NTRK3: variants seen among roughly 807,000 people sequenced by gnomAD.
The protein encoded by NTRK3 is NT-3 growth factor receptor.
A neutral mutation model predicts 91.7 loss-of-function variants in NTRK3; 24 were observed. The ratio of observed to expected loss-of-function variants is 0.26; its 90% CI spans 0.19 to 0.37. The LOEUF (loss-of-function observed/expected upper bound fraction) is 0.37, where lower values mean the gene tolerates loss of function less well. Among genes scored for constraint, NTRK3 ranks in the 10% least tolerant of loss-of-function variants. The probability of loss-of-function intolerance (pLI) is 1.00; values close to 1 mark genes in which losing one functional copy is unlikely to be tolerated. For missense variants in NTRK3, 880 were observed against 1,068.9 expected, an observed-to-expected ratio of 0.82 and a Z score of 2.46; for synonymous variants, 483 against 404.0, an observed-to-expected ratio of 1.20 and a Z score of -2.34.
chr15:87,870,484 C>T (rs930153308), exon 19 of NTRK3: 1 of 209,890 alleles, frequency 4.8e-6, no homozygotes, highest in African/African-American at 2.3e-5. Context: ...ATGGTGCATA[C>T]TGCCTGGGTG....
chr15:87,864,997 G>T (rs2064625189), exon 19 of NTRK3: 1 of 215,034 alleles, frequency 4.7e-6, no homozygotes, highest in Non-Finnish European at 9.4e-6. Flanking sequence ...CAGAGGTGTT[G>T]CTTTTCTACA....
intron 3 of NTRK3, among the ~76,000 whole-genome samples, chr15:88,247,863 G>C (rs1002452013): frequency 6.6e-6 from 1 of 152,060 alleles, no homozygotes; most frequent in Non-Finnish European, 1.5e-5. Flanking sequence ...GTAAGGTCGC[G>C]GGGGGATAAA....
intron 13 of NTRK3, among the ~76,000 whole-genome samples, chr15:88,120,579 A>G (rs1357273430): frequency 2.6e-5 from 4 of 152,184 alleles, no homozygotes; most frequent in Non-Finnish European, 4.4e-5. Context: ...AGTCTCTAGC[A>G]TGTCTGAAAA....
At chr15:88,036,681 T>C (rs1304688038) in intron 13 of NTRK3, among the ~76,000 whole-genome samples, 3 of 152,210 alleles carry the variant, frequency 2.0e-5, no homozygotes, top group African/African-American at 7.2e-5. Flanking sequence ...ATGCCCAGGC[T>C]GTCTTGTTTA....
rs113792231 is a variant in NTRK3 at position 88,141,691 on chromosome 15, T to C, written c.465-4130A>G. ...ACACAGCACTTGATGCTGTGCTGCCTCCTGTCTGGTCCCTGCACTGCTGCA... is the reference window on the plus strand; with the variant it reads ...ACACAGCACTTGATGCTGTGCTGCCCCCTGTCTGGTCCCTGCACTGCTGCA... On this transcript the variant is annotated intron_variant, in intron 6 of 18. Transcript: ENST00000394480. Among the ~76,000 whole-genome samples, 956 of 152,320 alleles carry C rather than the reference T, an allele frequency of 6.3e-3. 13 individuals carry two copies. The highest frequency in any genetic ancestry group is 0.034 in the Middle Eastern group (10 of 294).
intron 10 of NTRK3, among the ~76,000 whole-genome samples, chr15:88,130,180 C>T (rs111680606): frequency 8.5e-5 from 13 of 152,166 alleles, no homozygotes; most frequent in Admixed American, 2.0e-4. Context: ...TCCTAGCAAA[C>T]GAATACATGA....
chr15:88,101,063 A>G (rs2050123766), intron 13 of NTRK3, among the ~76,000 whole-genome samples: 1 of 152,218 alleles, frequency 6.6e-6, no homozygotes, highest in African/African-American at 2.4e-5. Context: ...AGAAACTACC[A>G]TCAGAGTGAA....
At chr15:88,027,768 G>A (rs1293011700) in intron 14 of NTRK3, among the ~76,000 whole-genome samples, 3 of 152,164 alleles carry the variant, frequency 2.0e-5, no homozygotes, top group Non-Finnish European at 4.4e-5. Flanking sequence ...CCATGCTGTG[G>A]TTTCTGTTGA....
intron 3 of NTRK3, among the ~76,000 whole-genome samples, chr15:88,201,361 C>T (rs554635398): frequency 6.6e-5 from 10 of 152,316 alleles, no homozygotes; most frequent in Admixed American, 3.9e-4. Flanking sequence ...CTACCACCCA[C>T]GGGTCTCATG....
intron 13 of NTRK3, among the ~76,000 whole-genome samples, chr15:88,083,894 T>TTC (rs2150680591): frequency 6.6e-6 from 1 of 152,190 alleles, no homozygotes; most frequent in South Asian, 2.1e-4. Context: ...GGTGTAAGGC[T>TTC]TCTCCAGCAA....
chr15:88,114,166 G>A (rs1203704130), intron 13 of NTRK3, among the ~76,000 whole-genome samples: 4 of 152,088 alleles, frequency 2.6e-5, no homozygotes, highest in Non-Finnish European at 5.9e-5. Context: ...ATGGATCCTG[G>A]GTGGGGGAAT....
chr15:87,866,699 T>C (rs2064690151), exon 19 of NTRK3: 1 of 190,124 alleles, frequency 5.3e-6, no homozygotes. Context: ...CAATTTCTTC[T>C]ATCTCTTTGT....
intron 3 of NTRK3, among the ~76,000 whole-genome samples, chr15:88,196,835 C>G (rs1163918279): frequency 6.6e-6 from 1 of 152,130 alleles, no homozygotes; most frequent in African/African-American, 2.4e-5. Context: ...TACAGCTCTA[C>G]CCTTGATGCC....
In NTRK3 at chr15:87,940,609, C is replaced by T. The variant is rs549684199; in HGVS notation, c.1716+14G>A. The T allele has an allele frequency of 6.2e-7, 1 of 1,613,362 alleles. No homozygotes were observed. Among genetic ancestry groups the T allele is most frequent in the Non-Finnish European group, 8.5e-7 (1 of 1,180,032 alleles). ...CAGCCCTCCTCCTGGTGCCGGCATG[C>T]CTCTGGGGTTTACCTTCACAGCCAC... On this transcript the variant is annotated intron_variant, in intron 15 of 18. Coordinates refer to ENST00000394480, the Ensembl canonical transcript of NTRK3.
chr15:87,973,657 G>A (rs1258056030), intron 14 of NTRK3, among the ~76,000 whole-genome samples: 1 of 152,062 alleles, frequency 6.6e-6, no homozygotes, highest in East Asian at 1.9e-4. Context: ...GTGGTGGGTG[G>A]GGGAGAGCTG....
Position 87,866,704 on chromosome 15 carries a change from C to G in NTRK3, c.*10231G>C, listed in dbSNP as rs1224444544. 4 of 190,066 alleles carry G rather than the reference C, an allele frequency of 2.1e-5. No homozygotes were observed. The East Asian group carries it at 3.3e-4, about 16-fold the overall frequency. 11.8% of individuals were successfully genotyped at this position (190,066 alleles called of 1,614,324 possible). A position where few individuals can be genotyped will look rare whatever the true frequency, so the allele number is the denominator to read the frequency against. ...GCTCCTTCAGCAATTTCTTCTATCT[C>G]TTTGTTTCTAGAAAGGAAGCATATT... On this transcript the variant is annotated 3_prime_UTR_variant, in exon 19 of 19. Coordinates refer to ENST00000394480, the Ensembl canonical transcript of NTRK3.
At chr15:88,108,206 G>C (rs934482691) in intron 13 of NTRK3, among the ~76,000 whole-genome samples, 1 of 152,178 alleles carries the variant, frequency 6.6e-6, no homozygotes, top group African/African-American at 2.4e-5. Context: ...GTATCCCACA[G>C]TGCCTACCCT....
chr15:88,166,004 A>G (rs1176408905), intron 5 of NTRK3, among the ~76,000 whole-genome samples: 1 of 152,212 alleles, frequency 6.6e-6, no homozygotes, highest in Admixed American at 6.5e-5. Flanking sequence ...CACCCACATC[A>G]TAACTCAGCC....
chr15:87,960,386 A>G (rs1473647071), intron 14 of NTRK3, among the ~76,000 whole-genome samples: 1 of 150,462 alleles, frequency 6.6e-6, no homozygotes, highest in Non-Finnish European at 1.5e-5. Context: ...TTTTTTTTCC[A>G]TCTACTTTTT....
Sources: gnomAD v4.1 joint callset for allele counts (sites outside exome capture counted in the v4.1 genomes callset) on GRCh38, gnomAD v4.1.1 for gene constraint, MANE v1.5 for transcripts, NCBI Gene and HGNC (gene_info 2026-07-23, HGNC 2026-07-21) for gene names.